The following DPYD variants were observed in gnomAD, a reference collection of about 807,000 sequenced individuals.
The protein encoded by DPYD is dihydropyrimidine dehydrogenase, also known as dihydropyrimidine dehydrogenase [NADP(+)].
DPYD carries 109 observed loss-of-function variants against 116.2 expected under a neutral mutation model. That is an observed-to-expected ratio of 0.94 (90% CI 0.80 to 1.10). The LOEUF is 1.10. DPYD is among the 50% of genes least tolerant of loss of function. DPYD has a pLI of 0.00. For missense variants in DPYD, 1,302 were observed against 1,254.5 expected, an observed-to-expected ratio of 1.04 and a Z score of -0.57; for synonymous variants, 440 against 432.0, an observed-to-expected ratio of 1.02 and a Z score of -0.23.
intron 6 of DPYD, among the ~76,000 whole-genome samples, chr1:97,698,985 T>C (rs1428303546): frequency 1.3e-5 from 2 of 152,014 alleles, no homozygotes; most frequent in Non-Finnish European, 2.9e-5. Context: ...AGTCCAATAT[T>C]CCATGGATCT....
chr1:97,804,186 G>A lies in DPYD; in HGVS notation c.233+23928C>T, dbSNP rs149851782. Among the ~76,000 whole-genome samples the A allele has an allele frequency of 4.0e-3, 603 of 151,702 alleles. 3 individuals are homozygous for A. Among genetic ancestry groups the A allele is most frequent in the African/African-American group, 0.014 (576 of 41,466 alleles). ...ATGAATATCTCTGAGGGAAAAACAAGAGCCTATGTAGTGGGATATAATATT... is the reference window on the plus strand; with the variant it reads ...ATGAATATCTCTGAGGGAAAAACAAAAGCCTATGTAGTGGGATATAATATT... On this transcript the variant is annotated intron_variant, in intron 3 of 22. Coordinates refer to ENST00000370192, the MANE Select transcript of DPYD (RefSeq NM_000110.4).
intron 13 of DPYD, among the ~76,000 whole-genome samples, chr1:97,453,425 T>C (rs1412026154): frequency 6.6e-6 from 1 of 152,070 alleles, no homozygotes; most frequent in Non-Finnish European, 1.5e-5. Flanking sequence ...CTTAACAGTA[T>C]ACATAGGAAT....
intron 14 of DPYD, among the ~76,000 whole-genome samples, chr1:97,447,326 T>C (rs1676143965): frequency 6.6e-6 from 1 of 152,204 alleles, no homozygotes; most frequent in Non-Finnish European, 1.5e-5. Context: ...ACTTGGAAAA[T>C]GAAGGGTCAC....
chr1:97,766,075 T>TA (rs1490841936), intron 3 of DPYD, among the ~76,000 whole-genome samples: 6 of 151,778 alleles, frequency 4.0e-5, no homozygotes, highest in African/African-American at 7.3e-5. Context: ...GAAACTCTAC[T>TA]AAAAAAACAC....
At chr1:97,141,664 T>C (rs6667550) in intron 20 of DPYD, among the ~76,000 whole-genome samples, 30,103 of 152,106 alleles carry the variant, frequency 0.2, 3,081 homozygotes, top group East Asian at 0.32. Context: ...TTACTGTTTG[T>C]TCATTTTTAT....
chr1:97,745,156 G>T (rs571598939), intron 3 of DPYD, among the ~76,000 whole-genome samples: 1 of 151,946 alleles, frequency 6.6e-6, no homozygotes, highest in African/African-American at 2.4e-5. Context: ...ATAGCTTAGG[G>T]CTATCTGGAA....
At chr1:97,872,209 T>C (rs191345046) in intron 2 of DPYD, among the ~76,000 whole-genome samples, 2 of 151,990 alleles carry the variant, frequency 1.3e-5, no homozygotes, top group East Asian at 3.9e-4. Flanking sequence ...AAGGGAAAAT[T>C]TTTCTTCTTT....
At position 97,349,315 on chromosome 1, in the gene DPYD, C is replaced by CT. The variant is rs150046527; in HGVS notation, c.2058+24245dup. Among the ~76,000 whole-genome samples the CT allele has an allele frequency of 2.9e-3, 400 of 137,524 alleles. 1 individual carries two copies. The highest frequency in any genetic ancestry group is 7.8e-3 in the Middle Eastern group (2 of 258). 90.2% of individuals were successfully genotyped at this position (137,524 alleles called of 152,430 possible). Reference sequence around the variant, plus strand: ...CTTACTGAAGAAAGTAGCAATGATTCTTTTTTTTTTTTGGAGTTATTTCTT... The same window carrying CT: ...CTTACTGAAGAAAGTAGCAATGATTCTTTTTTTTTTTTTGGAGTTATTTCTT... On this transcript the variant is annotated intron_variant, in intron 16 of 22. Coordinates refer to ENST00000370192, the MANE Select transcript of DPYD (RefSeq NM_000110.4).
At chr1:97,381,511 T>A (rs1264922179) in intron 15 of DPYD, among the ~76,000 whole-genome samples, 1 of 152,146 alleles carries the variant, frequency 6.6e-6, no homozygotes, top group African/African-American at 2.4e-5. Context: ...GCATGGAAGA[T>A]CACGAGGCCA....
chr1:97,347,821 A>T (rs879272476), intron 16 of DPYD, among the ~76,000 whole-genome samples: 2 of 152,114 alleles, frequency 1.3e-5, no homozygotes, highest in African/African-American at 2.4e-5. Context: ...TGAGACCACA[A>T]TAAACATTCT....
At chr1:97,898,626 G>A (rs1178565346) in intron 1 of DPYD, among the ~76,000 whole-genome samples, 1 of 151,848 alleles carries the variant, frequency 6.6e-6, no homozygotes, top group Non-Finnish European at 1.5e-5. Context: ...TGATAGGCCT[G>A]AGTTGCTCAA....
chr1:97,723,611 A>G (rs1388671601), intron 4 of DPYD, among the ~76,000 whole-genome samples: 1 of 151,656 alleles, frequency 6.6e-6, no homozygotes, highest in Non-Finnish European at 1.5e-5. Context: ...GAAAAGCTTA[A>G]TAAGTTAAAA....
chr1:97,093,438 A>C (rs1258820721), intron 21 of DPYD, among the ~76,000 whole-genome samples: 1 of 152,200 alleles, frequency 6.6e-6, no homozygotes, highest in Non-Finnish European at 1.5e-5. Context: ...AGTCATCTTA[A>C]CGTGGATTTC....
chr1:97,083,532 A>G (rs1230055744), intron 21 of DPYD, among the ~76,000 whole-genome samples: 4 of 152,110 alleles, frequency 2.6e-5, no homozygotes, highest in Admixed American at 2.0e-4. Flanking sequence ...CTTTCAAGTG[A>G]TAAGATGCTA....
At chr1:97,370,877 A>G (rs1671279202) in intron 16 of DPYD, among the ~76,000 whole-genome samples, 1 of 152,168 alleles carries the variant, frequency 6.6e-6, no homozygotes, top group Admixed American at 6.5e-5. Flanking sequence ...AGGTGTTTTA[A>G]GATTTGATAT....
intron 14 of DPYD, among the ~76,000 whole-genome samples, chr1:97,387,901 T>C (rs1032782532): frequency 2.0e-5 from 3 of 152,082 alleles, no homozygotes; most frequent in Admixed American, 2.0e-4. Context: ...GTTTTATTGT[T>C]GGTGTAATGG....
intron 1 of DPYD, among the ~76,000 whole-genome samples, chr1:97,916,097 T>A (rs1057000249): frequency 6.6e-6 from 1 of 152,220 alleles, no homozygotes; most frequent in African/African-American, 2.4e-5. Flanking sequence ...AAGAAAGGTA[T>A]GATTGCTTAA....
intron 7 of DPYD, among the ~76,000 whole-genome samples, chr1:97,683,994 GAAGT>G (rs1454862165): frequency 6.6e-6 from 1 of 152,078 alleles, no homozygotes; most frequent in Non-Finnish European, 1.5e-5. Context: ...AAATGAAAAT[GAAGT>G]AAGTTTACAA....
At position 97,823,566 on chromosome 1, in the gene DPYD, C is replaced by A. The variant is rs979208594; in HGVS notation, c.233+4548G>T. On this transcript the variant is annotated intron_variant, in intron 3 of 22. Transcript: ENST00000370192. ...TCTATGAGATGAACGTCTTTAAATT[C>A]CACATAAAAGTGAGATCATGCAGTG... 5.9e-5 allele frequency among the ~76,000 whole-genome samples: 9 copies of A among 152,268 alleles called. No individual in the cohort carries two copies. The East Asian group carries it at 1.2e-3, about 20-fold the overall frequency.
Sources: allele counts gnomAD v4.1 joint callset (sites outside exome capture counted in the v4.1 genomes callset), GRCh38; gene constraint gnomAD v4.1.1; transcripts MANE v1.5; gene names NCBI Gene and HGNC (gene_info 2026-07-23, HGNC 2026-07-21).